ZNF488: variants seen among roughly 807,000 people sequenced by gnomAD.
ZNF488 encodes zinc finger protein 488.
In ZNF488, 1 loss-of-function variant was observed where a neutral mutation model predicts 1.2. The ratio of observed to expected loss-of-function variants is 0.86; its 90% CI spans 0.30 to 4.07. The LOEUF (loss-of-function observed/expected upper bound fraction) is 4.07, where lower values mean the gene tolerates loss of function less well. Among genes scored for constraint, ZNF488 ranks in the 30% most tolerant of loss-of-function variants. The probability of loss-of-function intolerance (pLI) is 0.18; values close to 1 mark genes in which losing one functional copy is unlikely to be tolerated. For missense variants in ZNF488, 450 were observed against 437.9 expected, an observed-to-expected ratio of 1.03 and a Z score of -0.25; for synonymous variants, 185 against 190.1, an observed-to-expected ratio of 0.97 and a Z score of 0.22.
At chr10:47,381,944 T>C (rs36144511) in intron 1 of ZNF488, among the ~76,000 whole-genome samples, 4,541 of 103,482 alleles carry the variant, frequency 0.044, no homozygotes, top group Non-Finnish European at 0.066. Flanking sequence ...CTGTGTGGAG[T>C]GATATTTTAG....
In ZNF488 at chr10:47,365,705, G is replaced by A. The variant is rs1837192388; in HGVS notation, c.*2102C>T. On this transcript the variant is annotated 3_prime_UTR_variant, in exon 2 of 2. Transcript: ENST00000585316. ...GGTGATGCGGCTGAGAGAGGCAGAG[G>A]CTGCAGGGCTGCTTTACGGGGAATC... The A allele has an allele frequency of 6.0e-6, 1 of 167,172 alleles. No homozygotes were observed. Among genetic ancestry groups the A allele is most frequent in the South Asian group, 2.1e-4 (1 of 4,832 alleles). 10.4% of individuals were successfully genotyped at this position (167,172 alleles called of 1,614,324 possible).
At position 47,365,757 on chromosome 10, in the gene ZNF488, T is replaced by C. The variant is rs539898063; in HGVS notation, c.*2050A>G. On this transcript the variant is annotated 3_prime_UTR_variant, in exon 2 of 2. Coordinates refer to ENST00000585316, the MANE Select transcript of ZNF488 (RefSeq NM_153034.4). ...GGGAGACCTCTCTAAGGAGCTGACCTGCGAGAAGAAGCCCTGTGGAACCAT... is the reference window on the plus strand; with the variant it reads ...GGGAGACCTCTCTAAGGAGCTGACCCGCGAGAAGAAGCCCTGTGGAACCAT... 104 of 167,240 alleles carry C rather than the reference T, an allele frequency of 6.2e-4. 2 individuals carry two copies. Among genetic ancestry groups the C allele is most frequent in the Non-Finnish European group, 1.0e-3 (68 of 68,136 alleles). 10.4% of individuals were successfully genotyped at this position (167,240 alleles called of 1,614,324 possible).
In ZNF488 at chr10:47,367,951, G is replaced by A. The variant is rs782664935; in HGVS notation, c.879C>T (p.His293=). 6.3e-5 allele frequency: 101 copies of A among 1,614,048 alleles called. No individual in the cohort carries two copies. Among genetic ancestry groups the A allele is most frequent in the Admixed American group, 8.3e-5 (5 of 60,008 alleles). Residue 293 remains histidine (H), a synonymous_variant, in exon 2 of 2, where the codon CAC becomes CAT. Coordinates refer to ENST00000585316, the MANE Select transcript of ZNF488 (RefSeq NM_153034.4). ...GCTCCTTTTTGTGGTGGGATCGCATGTGAAAGACCAGGTCGGACGTTAGGC... is the reference window on the plus strand; with the variant it reads ...GCTCCTTTTTGTGGTGGGATCGCATATGAAAGACCAGGTCGGACGTTAGGC... ...SFRLTSDLVF[H]MRSHHKKEHA...
Position 47,368,493 on chromosome 10 carries a change from C to A in ZNF488, c.337G>T (p.Val113Leu). Residue 113 changes from valine (V) to leucine (L), a missense_variant, in exon 2 of 2, where the codon GTG becomes TTG. By Grantham distance (32) the Val-to-Leu change is conservative. Coordinates refer to ENST00000585316, the MANE Select transcript of ZNF488 (RefSeq NM_153034.4). ...TELPRMKDRQ[V>L]DAQAQEREHD... Reference sequence around the variant, plus strand: ...TCCCTCTCCTGGGCCTGAGCATCCACCTGCCGGTCCTTCATCCTCGGCAGC... The same window carrying A: ...TCCCTCTCCTGGGCCTGAGCATCCAACTGCCGGTCCTTCATCCTCGGCAGC... The A allele has an allele frequency of 9.3e-6, 15 of 1,613,816 alleles. No homozygotes were observed. The highest frequency in any genetic ancestry group is 1.3e-5 in the Non-Finnish European group (15 of 1,179,954).
chr10:47,367,473 T>G lies in ZNF488; in HGVS notation c.*334A>C. 3.1e-6 allele frequency: 1 copy of G among 326,578 alleles called. No homozygotes were observed. 20.2% of individuals were successfully genotyped at this position (326,578 alleles called of 1,614,324 possible). A position where few individuals can be genotyped will look rare whatever the true frequency, so the allele number is the denominator to read the frequency against. On this transcript the variant is annotated 3_prime_UTR_variant, in exon 2 of 2. Transcript: ENST00000585316. ...GCAGGTTAAAGCTCTTTGTCCAGGG[T>G]CACAGCTAGTATGTGAAAGAGCCCA...
At chr10:47,369,939 A>C (rs1221079881) in intron 1 of ZNF488, among the ~76,000 whole-genome samples, 1 of 152,244 alleles carries the variant, frequency 6.6e-6, no homozygotes, top group East Asian at 1.9e-4. Context: ...GTAGTACTTA[A>C]TCAAGCCTGC....
intron 1 of ZNF488, among the ~76,000 whole-genome samples, chr10:47,381,950 T>G (rs782557770): frequency 1.5e-4 from 17 of 116,046 alleles, no homozygotes; most frequent in Non-Finnish European, 2.9e-4. Context: ...GGAGTGATAT[T>G]TTAGACGTTA....
rs1386822110 is a variant in ZNF488, at chr10:47,367,515, T to C, written c.*292A>G. ...AAGAGCCCAGATTCGAATCCAGGCT[T>C]GTGTGCCTCCAAAGCCCATGATGTG... On this transcript the variant is annotated 3_prime_UTR_variant, in exon 2 of 2. Transcript: ENST00000585316. The C allele has an allele frequency of 8.9e-6, 4 of 447,234 alleles. No homozygotes were observed. Among genetic ancestry groups the C allele is most frequent in the Non-Finnish European group, 1.6e-5 (4 of 244,580 alleles). The allele number at this position is 447,234 out of a possible 1,614,324, so 27.7% of individuals were successfully genotyped here. A position where few individuals can be genotyped will look rare whatever the true frequency, so the allele number is the denominator to read the frequency against.
At chr10:47,376,009 A>T (rs1035215267) in intron 1 of ZNF488, among the ~76,000 whole-genome samples, 11 of 152,224 alleles carry the variant, frequency 7.2e-5, no homozygotes, top group African/African-American at 1.7e-4. Flanking sequence ...CACATGGTCT[A>T]GCCACAGGGA....
chr10:47,376,155 C>A (rs574021091), intron 1 of ZNF488, among the ~76,000 whole-genome samples: 1 of 152,244 alleles, frequency 6.6e-6, no homozygotes, highest in South Asian at 2.1e-4. Flanking sequence ...TGGAGACAAG[C>A]CCACTTGAGT....
intron 1 of ZNF488, among the ~76,000 whole-genome samples, chr10:47,372,096 T>G (rs1364688784): frequency 6.6e-6 from 1 of 152,168 alleles, no homozygotes; most frequent in Non-Finnish European, 1.5e-5. Flanking sequence ...TCAGTAAACA[T>G]GCAAAAAGCA....
At chr10:47,371,991 AG>A (rs1243766936) in intron 1 of ZNF488, among the ~76,000 whole-genome samples, 1 of 152,156 alleles carries the variant, frequency 6.6e-6, no homozygotes, top group Non-Finnish European at 1.5e-5. Context: ...GAACAAAAGG[AG>A]AGCTTTGGAA....
Position 47,368,672 on chromosome 10 carries a change from G to A in ZNF488, c.158C>T (p.Thr53Met), listed in dbSNP as rs782472727. Residue 53 changes from threonine to methionine, a missense_variant, in exon 2 of 2, where the codon ACG becomes ATG. Thr to Met is a moderately conservative substitution (Grantham distance 81, BLOSUM62 -1). Transcript: ENST00000585316. ...RGCKPVLLEK[T>M]NRLGPEAAVG... is the part of the protein sequence containing the mutation. ...AGCAGCCTCAGGGCCCAGGCGGTTC[G>A]TCTTCTCGAGCAGCACTGGCTTGCA... is the stretch of plus-strand genomic sequence containing the variant. The A allele has an allele frequency of 2.6e-5, 42 of 1,612,114 alleles. No individual in the cohort carries two copies. The highest frequency in any genetic ancestry group is 2.3e-4 in the African/African-American group (17 of 74,942).
chr10:47,374,910 T>A (rs1053527712), intron 1 of ZNF488, among the ~76,000 whole-genome samples: 1 of 151,984 alleles, frequency 6.6e-6, no homozygotes, highest in African/African-American at 2.4e-5. Flanking sequence ...TGCAAAAGAG[T>A]CTGGGAAACA....
chr10:47,378,611 C>A (rs1837786176), intron 1 of ZNF488, among the ~76,000 whole-genome samples: 1 of 152,188 alleles, frequency 6.6e-6, no homozygotes, highest in Non-Finnish European at 1.5e-5. Context: ...AAAGGATGTA[C>A]CTGCGTCCAG....
Position 47,367,426 on chromosome 10 carries a change from C to A in ZNF488, c.*381G>T. 1 of 244,204 alleles carries A rather than the reference C, an allele frequency of 4.1e-6. No individual in the cohort carries two copies. The highest frequency in any genetic ancestry group is 8.5e-6 in the Non-Finnish European group (1 of 118,150). The allele number at this position is 244,204 out of a possible 1,614,324, so 15.1% of individuals were successfully genotyped here. ...ACACAGTGTTATCATCTCCATTTCA[C>A]AGATGAGAAAATGGGGACTCAGCAG... is the stretch of plus-strand genomic sequence containing the variant. On this transcript the variant is annotated 3_prime_UTR_variant, in exon 2 of 2. Coordinates refer to ENST00000585316, the MANE Select transcript of ZNF488 (RefSeq NM_153034.4).
At chr10:47,377,600 TCACACA>T (rs66911760) in intron 1 of ZNF488, among the ~76,000 whole-genome samples, 8,419 of 114,562 alleles carry the variant, frequency 0.073, 350 homozygotes, top group Middle Eastern at 0.12. Context: ...AATAACAATC[TCACACA>T]CACACACACA....
chr10:47,367,789 T>C lies in ZNF488; in HGVS notation c.*18A>G, dbSNP rs1588872768. The stretch of plus-strand genomic sequence containing the variant: ...AAGGCTGGCTGCTGCACCCAGCAGG[T>C]CATTCTGCGGTCACCTGCTAGCTGT... On this transcript the variant is annotated 3_prime_UTR_variant, in exon 2 of 2. Transcript: ENST00000585316. The C allele has an allele frequency of 1.3e-6, 2 of 1,593,242 alleles. No homozygotes were observed. The highest frequency in any genetic ancestry group is 2.3e-5 in the South Asian group (2 of 86,944).
chr10:47,367,655 C>T lies in ZNF488; in HGVS notation c.*152G>A, dbSNP rs750822053. The T allele has an allele frequency of 2.3e-6, 2 of 865,140 alleles. No individual in the cohort carries two copies. Among genetic ancestry groups the T allele is most frequent in the Non-Finnish European group, 3.5e-6 (2 of 564,582 alleles). 53.6% of individuals were successfully genotyped at this position (865,140 alleles called of 1,614,324 possible). The stretch of plus-strand genomic sequence containing the variant: ...TTCAAAACACATCATGCAGGTGTGG[C>T]TTTTTCAAATTATGCCTGAGCTGTT... On this transcript the variant is annotated 3_prime_UTR_variant, in exon 2 of 2. Coordinates refer to ENST00000585316, the MANE Select transcript of ZNF488 (RefSeq NM_153034.4).
Sources: gnomAD v4.1 joint callset for allele counts (sites outside exome capture counted in the v4.1 genomes callset) on GRCh38, gnomAD v4.1.1 for gene constraint, MANE v1.5 for transcripts, NCBI Gene and HGNC (gene_info 2026-07-23, HGNC 2026-07-21) for gene names.